The following BBS9 variants were observed in gnomAD, a reference collection of about 807,000 sequenced individuals.
BBS9 encodes the protein Bardet-Biedl syndrome 9.
A neutral mutation model predicts 117.7 loss-of-function variants in BBS9; 89 were observed. The ratio of observed to expected loss-of-function variants is 0.76; its 90% CI spans 0.64 to 0.90. The LOEUF (loss-of-function observed/expected upper bound fraction) is 0.90. Among genes scored for constraint, BBS9 ranks in the 40% least tolerant of loss-of-function variants. The pLI, the probability that BBS9 is intolerant of heterozygous loss-of-function variation, is 0.00. For synonymous variants in BBS9, 379 were observed against 370.9 expected, an observed-to-expected ratio of 1.02 and a Z score of -0.25; for missense variants, 982 against 1,042.2, an observed-to-expected ratio of 0.94 and a Z score of 0.80.
intron 19 of BBS9, among the ~76,000 whole-genome samples, chr7:33,499,703 C>T (rs1026082037): frequency 6.6e-6 from 1 of 152,150 alleles, no homozygotes; most frequent in East Asian, 1.9e-4. Flanking sequence ...TCTGGCTCTA[C>T]TGCTTACTGT....
intron 21 of BBS9, among the ~76,000 whole-genome samples, chr7:33,574,166 A>G (rs985526791): frequency 1.3e-5 from 2 of 152,148 alleles, no homozygotes; most frequent in African/African-American, 4.8e-5. Context: ...TTTTACAAAC[A>G]TCAGACTTTG....
chr7:33,628,325 G>A (rs1039351047), intron 21 of BBS9, among the ~76,000 whole-genome samples: 2 of 152,154 alleles, frequency 1.3e-5, no homozygotes, highest in African/African-American at 4.8e-5. Context: ...GTAGGAGCCA[G>A]CAATATATGA....
At chr7:33,184,825 A>G (rs1045173331) in intron 5 of BBS9, among the ~76,000 whole-genome samples, 2 of 152,242 alleles carry the variant, frequency 1.3e-5, no homozygotes, top group Admixed American at 1.3e-4. Context: ...AAGTTTATTA[A>G]CAAAGTAAAG....
intron 15 of BBS9, among the ~76,000 whole-genome samples, chr7:33,356,401 A>G (rs1354273225): frequency 7.2e-5 from 11 of 151,834 alleles, no homozygotes; most frequent in African/African-American, 2.7e-4. Context: ...GTACAAATAC[A>G]CATGCCTCTA....
chr7:33,473,138 T>C (rs1004019810), intron 19 of BBS9, among the ~76,000 whole-genome samples: 1 of 152,210 alleles, frequency 6.6e-6, no homozygotes, highest in Non-Finnish European at 1.5e-5. Context: ...TTTGAAAGAT[T>C]ATGTCTTCCC....
At chr7:33,602,478 C>T (rs2129202677) in intron 21 of BBS9, among the ~76,000 whole-genome samples, 1 of 152,252 alleles carries the variant, frequency 6.6e-6, no homozygotes, top group East Asian at 1.9e-4. Context: ...CCTGTAATCC[C>T]AGCACTTTGG....
At chr7:33,153,378 T>C (rs1274882196) in intron 3 of BBS9, among the ~76,000 whole-genome samples, 1 of 152,226 alleles carries the variant, frequency 6.6e-6, no homozygotes, top group Non-Finnish European at 1.5e-5. Context: ...GAAAACTGTT[T>C]ATTAGTTTGA....
At chr7:33,177,055 G>A (rs868528577) in intron 4 of BBS9, among the ~76,000 whole-genome samples, 31 of 152,246 alleles carry the variant, frequency 2.0e-4, no homozygotes, top group Admixed American at 1.6e-3. Context: ...GTTGGGGTAG[G>A]AACACTAATT....
chr7:33,312,969 A>G (rs1329675995), intron 9 of BBS9, among the ~76,000 whole-genome samples: 2 of 151,846 alleles, frequency 1.3e-5, no homozygotes, highest in African/African-American at 2.4e-5. Flanking sequence ...GGTATTCAAT[A>G]TGTATTTTTT....
At chr7:33,154,061 T>G (rs1327935083) in intron 3 of BBS9, among the ~76,000 whole-genome samples, 1 of 152,180 alleles carries the variant, frequency 6.6e-6, no homozygotes, top group East Asian at 1.9e-4. Flanking sequence ...GAAGTTAACG[T>G]TGTTAAGTAG....
At chr7:33,278,973 CTCAAA>C (rs1209419182) in intron 9 of BBS9, among the ~76,000 whole-genome samples, 1 of 152,186 alleles carries the variant, frequency 6.6e-6, no homozygotes, top group Non-Finnish European at 1.5e-5. Flanking sequence ...AGAGTTATTA[CTCAAA>C]TCAATATCAT....
At position 33,383,725 on chromosome 7, in the gene BBS9, A is replaced by C. The variant is rs34209904; in HGVS notation, c.1849A>C (p.Ile617Leu). ...EDLWLITNEL[I>L]LRLQEYFEKQ... Reference sequence around the variant, plus strand: ...TCTTTGGCTCATAACCAATGAGCTTATTCTTCGCCTTCAAGAATATTTTGA... The same window carrying C: ...TCTTTGGCTCATAACCAATGAGCTTCTTCTTCGCCTTCAAGAATATTTTGA... The change falls in exon 18 of 23, where the codon ATT becomes CTT. Residue 617 changes from isoleucine (I) to leucine (L), a missense_variant. Ile to Leu is a conservative substitution (Grantham distance 5). Coordinates refer to ENST00000242067, the MANE Select transcript of BBS9 (RefSeq NM_198428.3). 3,661 of 1,612,222 alleles carry C rather than the reference A, an allele frequency of 2.3e-3. 77 individuals are homozygous for C. In the African/African-American group the frequency reaches 0.042, roughly 19 times the overall value.
intron 19 of BBS9, among the ~76,000 whole-genome samples, chr7:33,397,004 A>C (rs1313048421): frequency 6.6e-6 from 1 of 152,202 alleles, no homozygotes; most frequent in East Asian, 1.9e-4. Flanking sequence ...AACTAACTCA[A>C]GATAGATCAA....
chr7:33,467,696 G>C (rs1433967880), intron 19 of BBS9, among the ~76,000 whole-genome samples: 1 of 151,982 alleles, frequency 6.6e-6, no homozygotes, highest in Non-Finnish European at 1.5e-5. Context: ...AAATTAAATT[G>C]AGAATCAGAA....
At chr7:33,372,015 A>C (rs1214789838) in intron 17 of BBS9, among the ~76,000 whole-genome samples, 4 of 152,242 alleles carry the variant, frequency 2.6e-5, no homozygotes, top group Non-Finnish European at 5.9e-5. Flanking sequence ...AAACTGATAC[A>C]TGGTGAAAAA....
intron 21 of BBS9, among the ~76,000 whole-genome samples, chr7:33,615,789 A>G (rs1046473912): frequency 6.6e-6 from 1 of 152,060 alleles, no homozygotes; most frequent in African/African-American, 2.4e-5. Flanking sequence ...GCAGAAAATC[A>G]AAGATAAAGG....
At chr7:33,220,783 CT>C (rs1790096701) in intron 5 of BBS9, among the ~76,000 whole-genome samples, 1 of 152,118 alleles carries the variant, frequency 6.6e-6, no homozygotes, top group Non-Finnish European at 1.5e-5. Context: ...CTTTTTAATT[CT>C]CACATTTACA....
At chr7:33,400,750 G>T (rs1282642557) in intron 19 of BBS9, among the ~76,000 whole-genome samples, 2 of 152,148 alleles carry the variant, frequency 1.3e-5, no homozygotes, top group African/African-American at 4.8e-5. Flanking sequence ...AGCTAATAGT[G>T]CTCAGAGTGT....
chr7:33,249,352 G>A (rs1198984290), intron 5 of BBS9, among the ~76,000 whole-genome samples: 1 of 151,912 alleles, frequency 6.6e-6, no homozygotes, highest in African/African-American at 2.4e-5. Flanking sequence ...TTAACATTTA[G>A]TTGATTACCA....
Sources: allele counts gnomAD v4.1 joint callset (sites outside exome capture counted in the v4.1 genomes callset), GRCh38; gene constraint gnomAD v4.1.1; transcripts MANE v1.5; gene names NCBI Gene and HGNC (gene_info 2026-07-23, HGNC 2026-07-21).